The following NXPH1 variants were observed in gnomAD, a reference collection of about 807,000 sequenced individuals.
The protein encoded by NXPH1 is neurexophilin 1.
In NXPH1, 5 loss-of-function variants were observed where a neutral mutation model predicts 23.7. The ratio of observed to expected loss-of-function variants is 0.21; its 90% confidence interval spans 0.11 to 0.44. The LOEUF (loss-of-function observed/expected upper bound fraction) is 0.44, where lower values mean the gene tolerates loss of function less well. Ranked by LOEUF, NXPH1 falls within the 20% of genes least tolerant of loss-of-function variation. The pLI is 0.99. For missense variants in NXPH1, 324 were observed against 321.6 expected, an observed-to-expected ratio of 1.01 and a Z score of -0.06; for synonymous variants, 144 against 122.2, an observed-to-expected ratio of 1.18 and a Z score of -1.18.
At chr7:8,599,014 G>GTTT (rs1279353993) in intron 2 of NXPH1, among the ~76,000 whole-genome samples, 1 of 152,132 alleles carries the variant, frequency 6.6e-6, no homozygotes, top group Non-Finnish European at 1.5e-5. Context: ...ATTGGGAGAA[G>GTTT]GGGTATAATT....
intron 2 of NXPH1, among the ~76,000 whole-genome samples, chr7:8,480,790 C>T (rs1453954012): frequency 6.6e-6 from 1 of 152,146 alleles, no homozygotes. Context: ...TTGTGGAAGG[C>T]AAACTTCCCC....
chr7:8,650,375 C>G (rs2115151507), intron 2 of NXPH1, among the ~76,000 whole-genome samples: 1 of 152,256 alleles, frequency 6.6e-6, no homozygotes, highest in South Asian at 2.1e-4. Context: ...CTAGCCTTTA[C>G]CTTATGTGAT....
chr7:8,692,260 T>C (rs980561786), intron 2 of NXPH1, among the ~76,000 whole-genome samples: 2 of 152,110 alleles, frequency 1.3e-5, no homozygotes, highest in African/African-American at 4.8e-5. Flanking sequence ...ATTTAGAAGA[T>C]CACTCGGACA....
intron 2 of NXPH1, among the ~76,000 whole-genome samples, chr7:8,730,842 T>G (rs1450273233): frequency 6.6e-6 from 1 of 150,758 alleles, no homozygotes; most frequent in Non-Finnish European, 1.5e-5. Context: ...TCTCGAGGAG[T>G]ATCTTTGTGG....
intron 2 of NXPH1, among the ~76,000 whole-genome samples, chr7:8,525,876 A>G (rs1817853562): frequency 1.3e-5 from 2 of 152,190 alleles, no homozygotes; most frequent in African/African-American, 4.8e-5. Flanking sequence ...CCTCATGGAG[A>G]ACCTCTGCTA....
intron 2 of NXPH1, among the ~76,000 whole-genome samples, chr7:8,530,760 A>T (rs1389600786): frequency 6.6e-6 from 1 of 152,232 alleles, no homozygotes; most frequent in African/African-American, 2.4e-5. Context: ...GACTACAGGC[A>T]TCATCTATTC....
intron 2 of NXPH1, among the ~76,000 whole-genome samples, chr7:8,548,286 G>A (rs1355925019): frequency 2.0e-5 from 3 of 151,514 alleles, no homozygotes; most frequent in Non-Finnish European, 4.4e-5. Context: ...GTAGCTCACT[G>A]TCACTTGGTT....
At chr7:8,451,319 A>G (rs928304043) in intron 2 of NXPH1, among the ~76,000 whole-genome samples, 5 of 152,070 alleles carry the variant, frequency 3.3e-5, no homozygotes, top group African/African-American at 1.2e-4. Context: ...CTTGTATTTA[A>G]TTGTCATGAT....
At position 8,457,097 on chromosome 7, in the gene NXPH1, T is replaced by C. The variant is rs574435060; in HGVS notation, c.54+21330T>C. On this transcript the variant is annotated intron_variant, in intron 2 of 2. Transcript: ENST00000405863. ...AAAACATTGTGTAGGAACTGGGGGT[T>C]CTTCCCATTTTAAAATGGCTTTTAA... Among the ~76,000 whole-genome samples the C allele has an allele frequency of 1.6e-3, 239 of 152,294 alleles. 2 individuals carry two copies. Among genetic ancestry groups the C allele is most frequent in the African/African-American group, 5.4e-3 (225 of 41,564 alleles).
At chr7:8,592,517 AATC>A (rs1819120708) in intron 2 of NXPH1, among the ~76,000 whole-genome samples, 2 of 152,050 alleles carry the variant, frequency 1.3e-5, no homozygotes. Context: ...CTTACAAAGC[AATC>A]ATCATATTTA....
chr7:8,589,690 T>C (rs538696113), intron 2 of NXPH1, among the ~76,000 whole-genome samples: 53 of 152,138 alleles, frequency 3.5e-4, no homozygotes, highest in African/African-American at 1.3e-3. Flanking sequence ...GTATAAATCT[T>C]GAACCAAATA....
intron 2 of NXPH1, among the ~76,000 whole-genome samples, chr7:8,519,282 G>T (rs1169679246): frequency 1.3e-5 from 2 of 152,154 alleles, no homozygotes; most frequent in African/African-American, 4.8e-5. Context: ...TAGAAAGTGT[G>T]AGGCAAATGA....
chr7:8,579,639 T>C (rs937132631), intron 2 of NXPH1, among the ~76,000 whole-genome samples: 1 of 152,232 alleles, frequency 6.6e-6, no homozygotes, highest in African/African-American at 2.4e-5. Context: ...CCCAAAGTGC[T>C]GGGATTATAG....
intron 2 of NXPH1, among the ~76,000 whole-genome samples, chr7:8,490,482 G>A (rs1255121599): frequency 6.6e-6 from 1 of 151,358 alleles, no homozygotes; most frequent in East Asian, 1.9e-4. Context: ...TGTTTACTTG[G>A]TACTTCATAG....
chr7:8,499,316 G>A (rs1203094647), intron 2 of NXPH1, among the ~76,000 whole-genome samples: 2 of 152,182 alleles, frequency 1.3e-5, no homozygotes, highest in East Asian at 3.9e-4. Context: ...AGCTGTGACA[G>A]CTGTACACAG....
At chr7:8,526,694 T>A (rs979581273) in intron 2 of NXPH1, among the ~76,000 whole-genome samples, 17 of 152,288 alleles carry the variant, frequency 1.1e-4, no homozygotes, top group Non-Finnish European at 1.9e-4. Flanking sequence ...GGGTTTCTGC[T>A]TTTGCTTCTT....
At chr7:8,625,980 C>A (rs953057613) in intron 2 of NXPH1, among the ~76,000 whole-genome samples, 4 of 152,030 alleles carry the variant, frequency 2.6e-5, no homozygotes, top group Non-Finnish European at 5.9e-5. Context: ...ATCTTTTTGT[C>A]TGTGAATCTT....
intron 2 of NXPH1, among the ~76,000 whole-genome samples, chr7:8,716,254 A>G (rs898276295): frequency 2.6e-5 from 4 of 152,174 alleles, no homozygotes; most frequent in African/African-American, 7.2e-5. Context: ...AAACTTCAGA[A>G]AGTCCTCCCA....
intron 2 of NXPH1, among the ~76,000 whole-genome samples, chr7:8,602,745 T>C (rs1819387991): frequency 6.6e-6 from 1 of 152,202 alleles, no homozygotes; most frequent in Non-Finnish European, 1.5e-5. Context: ...ATTATCTGTA[T>C]AAAGGCAGGG....
Sources: gnomAD v4.1 joint callset for allele counts (sites outside exome capture counted in the v4.1 genomes callset) on GRCh38, gnomAD v4.1.1 for gene constraint, MANE v1.5 for transcripts, NCBI Gene and HGNC (gene_info 2026-07-23, HGNC 2026-07-21) for gene names.